Variants in DPP10 observed in about 807,000 individuals in gnomAD.
The protein encoded by DPP10 is dipeptidyl peptidase like 10.
Under a neutral mutation model 120.9 loss-of-function variants are expected in DPP10, and 33 were observed. The observed-to-expected ratio is 0.27, with a 90% CI of 0.21 to 0.37. The LOEUF (loss-of-function observed/expected upper bound fraction) is 0.37, where lower values mean the gene tolerates loss of function less well. DPP10 is among the 10% of genes least tolerant of loss of function. The pLI, the probability that DPP10 is intolerant of heterozygous loss-of-function variation, is 1.00. For synonymous variants in DPP10, 337 were observed against 326.1 expected (o/e 1.03, Z -0.36); for missense variants, 816 against 942.8 (o/e 0.87, Z 1.76).
intron 5 of DPP10, among the ~76,000 whole-genome samples, chr2:115,672,664 CTT>C (rs1491589308): frequency 1.5e-5 from 2 of 133,876 alleles, no homozygotes; most frequent in African/African-American, 6.2e-5. Context: ...TTCTTTCTTT[CTT>C]TCTCTCTTTC....
At chr2:115,010,842 G>A (rs554488423) in intron 1 of DPP10, among the ~76,000 whole-genome samples, 1 of 152,232 alleles carries the variant, frequency 6.6e-6, no homozygotes, top group Admixed American at 6.5e-5. Context: ...AGCAGTATTA[G>A]TAGTGTGGCC....
chr2:115,664,745 A>G (rs1158664952), intron 5 of DPP10, among the ~76,000 whole-genome samples: 1 of 152,164 alleles, frequency 6.6e-6, no homozygotes, highest in Non-Finnish European at 1.5e-5. Flanking sequence ...CAAGGATGTC[A>G]AAGTAGCACT....
At chr2:115,065,248 T>TA (rs1206048116) in intron 1 of DPP10, among the ~76,000 whole-genome samples, 2 of 152,220 alleles carry the variant, frequency 1.3e-5, no homozygotes, top group Admixed American at 6.5e-5. Flanking sequence ...AACCCACTCA[T>TA]AGAGTTTTTT....
chr2:115,073,887 CT>C (rs1707573941), intron 1 of DPP10, among the ~76,000 whole-genome samples: 1 of 152,160 alleles, frequency 6.6e-6, no homozygotes. Flanking sequence ...CTCATTTGTG[CT>C]CCTTATAAAA....
intron 1 of DPP10, among the ~76,000 whole-genome samples, chr2:114,571,295 G>A (rs1029257995): frequency 6.6e-6 from 1 of 152,068 alleles, no homozygotes; most frequent in African/African-American, 2.4e-5. Context: ...GTTTAAAAGT[G>A]TGGTGCCTCC....
At chr2:115,680,034 T>C (rs916612444) in intron 5 of DPP10, among the ~76,000 whole-genome samples, 5 of 151,996 alleles carry the variant, frequency 3.3e-5, no homozygotes, top group Non-Finnish European at 2.9e-5. Context: ...ATGTTTTAGG[T>C]GATGAGTATG....
At chr2:115,679,804 A>C (rs1194953887) in intron 5 of DPP10, among the ~76,000 whole-genome samples, 2 of 152,194 alleles carry the variant, frequency 1.3e-5, no homozygotes, top group African/African-American at 4.8e-5. Flanking sequence ...TAGCTCACAG[A>C]AGTAAAGAGA....
intron 1 of DPP10, among the ~76,000 whole-genome samples, chr2:114,447,920 C>T (rs1678033514): frequency 6.6e-6 from 1 of 152,200 alleles, no homozygotes. Context: ...TACTCTGACA[C>T]AGCTTCCTTA....
intron 1 of DPP10, among the ~76,000 whole-genome samples, chr2:115,139,196 T>C (rs1486166821): frequency 6.6e-6 from 1 of 152,130 alleles, no homozygotes; most frequent in East Asian, 1.9e-4. Flanking sequence ...AAAATAATAA[T>C]CTTATTTTAT....
At chr2:115,030,363 CA>C (rs1259971113) in intron 1 of DPP10, among the ~76,000 whole-genome samples, 3 of 152,132 alleles carry the variant, frequency 2.0e-5, no homozygotes, top group Non-Finnish European at 4.4e-5. Context: ...CTTGAAAAAT[CA>C]CTGGAATTGT....
intron 1 of DPP10, among the ~76,000 whole-genome samples, chr2:114,524,586 CA>C (rs1171471852): frequency 6.6e-6 from 1 of 152,162 alleles, no homozygotes; most frequent in Non-Finnish European, 1.5e-5. Context: ...AGTGGGAATA[CA>C]AAGGTGAGGA....
At chr2:115,684,498 G>A (rs1355875974) in intron 5 of DPP10, among the ~76,000 whole-genome samples, 1 of 151,780 alleles carries the variant, frequency 6.6e-6, no homozygotes, top group African/African-American at 2.4e-5. Flanking sequence ...AAATGCTGTT[G>A]ACACAGTAGC....
intron 1 of DPP10, chr2:115,050,144 C>T (rs944820022): frequency 1.3e-5 from 2 of 152,136 alleles, no homozygotes; most frequent in Non-Finnish European, 2.9e-5. Context: ...TTTGACTTTT[C>T]TAGAATTCTG....
chr2:115,076,378 A>AT lies in DPP10; in HGVS notation c.61-232852dup, dbSNP rs200329293. On this transcript the variant is annotated intron_variant, in intron 1 of 25. Coordinates refer to ENST00000410059, the MANE Select transcript of DPP10 (RefSeq NM_020868.6). ...TTAGGAATTCAGTGCACATAAAAATATTTTTTTTTAGACTGAAGGACTCCT... is the reference window on the plus strand; with the variant it reads ...TTAGGAATTCAGTGCACATAAAAATATTTTTTTTTTAGACTGAAGGACTCCT... Among the ~76,000 whole-genome samples, 790 of 148,000 alleles carry AT rather than the reference A, an allele frequency of 5.3e-3. 22 individuals carry two copies. The highest frequency in any genetic ancestry group is 7.7e-3 in the Admixed American group (110 of 14,300).
chr2:115,516,574 G>GT (rs5833606), intron 4 of DPP10, among the ~76,000 whole-genome samples: 98,220 of 137,946 alleles, frequency 0.71, 35,135 homozygotes, highest in Middle Eastern at 0.78. Flanking sequence ...GTTATTCTTT[G>GT]TTTTTTTTTT....
intron 1 of DPP10, among the ~76,000 whole-genome samples, chr2:115,095,372 G>A (rs1709631557): frequency 6.6e-6 from 1 of 152,140 alleles, no homozygotes; most frequent in Admixed American, 6.5e-5. Context: ...GTCATATGCA[G>A]ATGGGCTTTG....
rs1459862350 is a variant in DPP10 at position 115,786,092 on chromosome 2, G to A, written c.1531+3693G>A. Among the ~76,000 whole-genome samples the A allele has an allele frequency of 2.0e-5, 3 of 152,090 alleles. No individual in the cohort carries two copies. In the East Asian group the frequency reaches 5.8e-4, roughly 29 times the overall value. ...TTACTTACAAAAGAGGTAGTTTGAT[G>A]TGCCTGAGGTTACACATAGACAGCG... On this transcript the variant is annotated intron_variant, in intron 17 of 25. Coordinates refer to ENST00000410059, the MANE Select transcript of DPP10 (RefSeq NM_020868.6).
chr2:115,768,286 C>T lies in DPP10; in HGVS notation c.1114-11C>T. On this transcript the variant is annotated splice_polypyrimidine_tract_variant and intron_variant, in intron 12 of 25. Coordinates refer to ENST00000410059, the MANE Select transcript of DPP10 (RefSeq NM_020868.6). Reference sequence around the variant, plus strand: ...CTTTCTGAGATTGTTCTGTGCTCTTCTGTATTTTAGAATGAGGAGCCCGTG... The same window carrying T: ...CTTTCTGAGATTGTTCTGTGCTCTTTTGTATTTTAGAATGAGGAGCCCGTG... 6.2e-7 allele frequency: 1 copy of T among 1,612,446 alleles called. No homozygotes were observed. The highest frequency in any genetic ancestry group is 8.5e-7 in the Non-Finnish European group (1 of 1,178,862).
At chr2:115,724,352 G>A (rs887476404) in intron 7 of DPP10, among the ~76,000 whole-genome samples, 8 of 152,154 alleles carry the variant, frequency 5.3e-5, no homozygotes, top group Admixed American at 4.6e-4. Flanking sequence ...AGAGAAGGTG[G>A]CAAATTAAAA....
Sources: gnomAD v4.1 joint callset for allele counts (sites outside exome capture counted in the v4.1 genomes callset) on GRCh38, gnomAD v4.1.1 for gene constraint, MANE v1.5 for transcripts, NCBI Gene and HGNC (gene_info 2026-07-23, HGNC 2026-07-21) for gene names.